SNTG2: variants seen among roughly 807,000 people sequenced by gnomAD.
The protein encoded by SNTG2 is syntrophin gamma 2, also known as gamma-2-syntrophin.
A neutral mutation model predicts 70.9 loss-of-function variants in SNTG2; 74 were observed. That is an observed-to-expected ratio of 1.04 (90% CI 0.86 to 1.27). SNTG2 has a LOEUF of 1.27. Among genes scored for constraint, SNTG2 ranks in the 50% most tolerant of loss-of-function variants. SNTG2 has a pLI of 0.00. For synonymous variants in SNTG2, 278 were observed against 273.8 expected, an observed-to-expected ratio of 1.02 and a Z score of -0.15; for missense variants, 717 against 690.7, an observed-to-expected ratio of 1.04 and a Z score of -0.43.
intron 16 of SNTG2, among the ~76,000 whole-genome samples, chr2:1,361,394 T>G (rs1272342240): frequency 6.6e-6 from 1 of 151,856 alleles, no homozygotes; most frequent in Non-Finnish European, 1.5e-5. Context: ...GGCAAATCAT[T>G]ATTGGAGACA....
intron 1 of SNTG2, among the ~76,000 whole-genome samples, chr2:969,694 A>C (rs1261902911): frequency 2.6e-5 from 4 of 152,148 alleles, no homozygotes; most frequent in Non-Finnish European, 4.4e-5. Flanking sequence ...AATGCTACTG[A>C]GTTTTGTATA....
chr2:1,133,138 T>C (rs1668135707), intron 4 of SNTG2, among the ~76,000 whole-genome samples: 2 of 152,212 alleles, frequency 1.3e-5, no homozygotes, highest in Admixed American at 1.3e-4. Flanking sequence ...CCATAAGGAC[T>C]ATGAAGGTTG....
intron 6 of SNTG2, among the ~76,000 whole-genome samples, chr2:1,152,051 A>ATTTTG (rs985894656): frequency 6.6e-6 from 1 of 152,188 alleles, no homozygotes; most frequent in Non-Finnish European, 1.5e-5. Flanking sequence ...ACATAATAGA[A>ATTTTG]TTTTGTTTTG....
chr2:1,232,188 G>T (rs1484664321), intron 9 of SNTG2, among the ~76,000 whole-genome samples: 1 of 152,164 alleles, frequency 6.6e-6, no homozygotes, highest in Non-Finnish European at 1.5e-5. Context: ...GACAGAGAAG[G>T]GTGAGGAGGT....
At chr2:1,319,646 C>T (rs1287964237) in intron 16 of SNTG2, among the ~76,000 whole-genome samples, 1 of 152,178 alleles carries the variant, frequency 6.6e-6, no homozygotes, top group Non-Finnish European at 1.5e-5. Flanking sequence ...TCACAGCTTA[C>T]ACAGGAAGAA....
intron 2 of SNTG2, among the ~76,000 whole-genome samples, chr2:1,096,997 C>T (rs1665434193): frequency 6.6e-6 from 1 of 152,146 alleles, no homozygotes; most frequent in African/African-American, 2.4e-5. Context: ...CGAAATACGG[C>T]TCTTTTTCTG....
chr2:1,140,130 T>C lies in SNTG2; in HGVS notation c.411+2321T>C, dbSNP rs371592497. On this transcript the variant is annotated intron_variant, in intron 6 of 16. Coordinates refer to ENST00000308624, the MANE Select transcript of SNTG2 (RefSeq NM_018968.4). ...GCTTCAATTAATTCTAAAAGAAAAATGTCAGTTGTACTGAATGCAAAGAAT... is the reference window on the plus strand; with the variant it reads ...GCTTCAATTAATTCTAAAAGAAAAACGTCAGTTGTACTGAATGCAAAGAAT... 5.9e-5 allele frequency among the ~76,000 whole-genome samples: 9 copies of C among 152,348 alleles called. No homozygotes were observed. In the East Asian group the frequency reaches 7.7e-4, roughly 13 times the overall value.
intron 9 of SNTG2, among the ~76,000 whole-genome samples, chr2:1,222,073 GTCTCTGTCTCTGTCTCTCTCTGTCTC>G (rs1675151675): frequency 2.2e-4 from 1 of 4,638 alleles, no homozygotes; most frequent in African/African-American, 1.1e-3. Context: ...GTTTCTCTCT[GTCTCTGTCTCTGTCTCTCTCTGTCTC>G]TCTCTGTCTC....
chr2:1,132,256 C>CAT (rs1558437361), intron 4 of SNTG2, among the ~76,000 whole-genome samples: 5 of 151,658 alleles, frequency 3.3e-5, no homozygotes, highest in African/African-American at 1.2e-4. Flanking sequence ...TACACACACA[C>CAT]ACACACATAC....
At chr2:953,508 A>G (rs1377993216) in intron 1 of SNTG2, among the ~76,000 whole-genome samples, 1 of 152,220 alleles carries the variant, frequency 6.6e-6, no homozygotes. Context: ...CTGTTTACAG[A>G]TGTGAATTGC....
intron 6 of SNTG2, among the ~76,000 whole-genome samples, chr2:1,147,507 C>A (rs566852362): frequency 6.6e-6 from 1 of 152,350 alleles, no homozygotes; most frequent in East Asian, 1.9e-4. Flanking sequence ...ACTTCAAGTT[C>A]TTCAGCTTTG....
intron 9 of SNTG2, 147 bp from the exon 10 acceptor site, chr2:1,237,741 C>G (rs2148104730): frequency 1.0e-6 from 1 of 955,990 alleles, no homozygotes; most frequent in Non-Finnish European, 1.5e-6. Flanking sequence ...AGCCTGCTGA[C>G]TGTACTGAGG....
chr2:979,444 G>A (rs1417669628), intron 1 of SNTG2, among the ~76,000 whole-genome samples: 2 of 152,170 alleles, frequency 1.3e-5, no homozygotes, highest in African/African-American at 2.4e-5. Context: ...AAGGAGGAAT[G>A]GGAGCTTGCC....
chr2:1,079,690 C>T (rs914811085), intron 1 of SNTG2, among the ~76,000 whole-genome samples: 6 of 152,056 alleles, frequency 3.9e-5, no homozygotes, highest in Non-Finnish European at 8.8e-5. Context: ...CTGTGGACAC[C>T]AAGTTCAGTG....
chr2:1,210,853 G>T (rs1173084096), intron 9 of SNTG2, among the ~76,000 whole-genome samples: 1 of 152,172 alleles, frequency 6.6e-6, no homozygotes, highest in Non-Finnish European at 1.5e-5. Context: ...ATGCTGTACT[G>T]GTTTGTAGCC....
intron 1 of SNTG2, among the ~76,000 whole-genome samples, chr2:996,673 G>GTTTTTTTTTTTTGTTTT (rs1661691452): frequency 2.8e-5 from 1 of 35,114 alleles, no homozygotes; most frequent in Non-Finnish European, 4.9e-5. Context: ...GAGTTACCCA[G>GTTTTTTTTTTTTGTTTT]TTTTTTTTTT....
At chr2:1,197,054 A>C (rs1672952084) in intron 8 of SNTG2, among the ~76,000 whole-genome samples, 1 of 152,138 alleles carries the variant, frequency 6.6e-6, no homozygotes, top group Non-Finnish European at 1.5e-5. Context: ...AGAAAGGAAA[A>C]AATGATGTAC....
At chr2:1,365,509 C>A (rs73180290) in intron 16 of SNTG2, among the ~76,000 whole-genome samples, 2,985 of 152,284 alleles carry the variant, frequency 0.02, 92 homozygotes, top group African/African-American at 0.068. Context: ...TACCCAATGT[C>A]CCCCAGTGTT....
intron 4 of SNTG2, among the ~76,000 whole-genome samples, chr2:1,132,905 T>A (rs1334136590): frequency 6.6e-6 from 1 of 152,234 alleles, no homozygotes; most frequent in Admixed American, 6.5e-5. Flanking sequence ...CTCTACAGTT[T>A]GGCCACATAT....
Sources: gnomAD v4.1 joint callset for allele counts (sites outside exome capture counted in the v4.1 genomes callset) on GRCh38, gnomAD v4.1.1 for gene constraint, MANE v1.5 for transcripts, NCBI Gene and HGNC (gene_info 2026-07-23, HGNC 2026-07-21) for gene names.